PATJ: variants seen among roughly 807,000 people sequenced by gnomAD.
PATJ encodes PATJ crumbs cell polarity complex component.
PATJ carries 190 observed loss-of-function variants against 224.9 expected under a neutral mutation model. That is an observed-to-expected ratio of 0.84 (90% CI 0.75 to 0.95). PATJ has a LOEUF of 0.95. Ranked by LOEUF, PATJ falls within the 40% of genes least tolerant of loss-of-function variation. The probability of loss-of-function intolerance (pLI) is 0.00; values close to 1 mark genes in which losing one functional copy is unlikely to be tolerated. For synonymous variants in PATJ, 769 were observed against 820.3 expected (o/e 0.94, Z 1.07); for missense variants, 2,121 against 2,270.3 (o/e 0.93, Z 1.34).
chr1:62,046,223 G>A (rs1205883215), intron 30 of PATJ, among the ~76,000 whole-genome samples: 1 of 122,740 alleles, frequency 8.1e-6, no homozygotes, highest in Non-Finnish European at 1.7e-5. Context: ...AAGGAAGGAA[G>A]GAAAGGAAGG....
chr1:62,021,958 G>T (rs147705573), intron 29 of PATJ, among the ~76,000 whole-genome samples: 1 of 152,006 alleles, frequency 6.6e-6, no homozygotes, highest in Non-Finnish European at 1.5e-5. Context: ...ACTTCTATTT[G>T]GCAAAATTTC....
At chr1:61,886,025 TGTG>T (rs917860742) in intron 22 of PATJ, among the ~76,000 whole-genome samples, 1 of 142,830 alleles carries the variant, frequency 7.0e-6, no homozygotes, top group African/African-American at 2.6e-5. Context: ...TGGGGACTGT[TGTG>T]GGGTGGGGGG....
chr1:61,767,384 A>G (rs1646341544), intron 4 of PATJ, among the ~76,000 whole-genome samples: 1 of 151,770 alleles, frequency 6.6e-6, no homozygotes, highest in African/African-American at 2.4e-5. Flanking sequence ...AAATAAAAAT[A>G]AAAATATAGT....
Position 61,871,437 on chromosome 1 carries a change from G to GCGTATATATATGTATA in PATJ, c.2836-3806_2836-3805insCGTATATATATGTATA, listed in dbSNP as rs1557792600. Among the ~76,000 whole-genome samples the GCGTATATATATGTATA allele has an allele frequency of 1.6e-3, 174 of 107,378 alleles. 4 individuals carry two copies. The highest frequency in any genetic ancestry group is 6.0e-3 in the Middle Eastern group (1 of 166). 70.4% of individuals were successfully genotyped at this position (107,378 alleles called of 152,430 possible). A position where few individuals can be genotyped will look rare whatever the true frequency, so the allele number is the denominator to read the frequency against. On this transcript the variant is annotated intron_variant, in intron 20 of 43. Transcript: ENST00000642238. ...TACATATATATGTACATATATATGT[G>GCGTATATATATGTATA]TATATACACATATATATGCGTATAT... is the stretch of plus-strand genomic sequence containing the variant.
Position 61,784,692 on chromosome 1 carries a change from G to A in PATJ, c.850-3062G>A, listed in dbSNP as rs540225374. On this transcript the variant is annotated intron_variant, in intron 7 of 43. Transcript: ENST00000642238. ...AATTTTTTGATCAGTGCATAATTCT[G>A]TTGAAGAATAGTTTGATTTACAGAG... 4.6e-5 allele frequency among the ~76,000 whole-genome samples: 7 copies of A among 152,310 alleles called. No homozygotes were observed. In the East Asian group the frequency reaches 1.3e-3, roughly 29 times the overall value.
chr1:61,910,536 CTTTTTTTTTTTTTTTTTT>C (rs71050181), intron 25 of PATJ, among the ~76,000 whole-genome samples: 1 of 42,242 alleles, frequency 2.4e-5, no homozygotes, highest in Non-Finnish European at 4.3e-5. Context: ...CAAAGTGACT[CTTTTTTTTTTTTTTTTTT>C]TTTTTTTTTT....
intron 17 of PATJ, among the ~76,000 whole-genome samples, chr1:61,855,088 G>A (rs1663437926): frequency 6.6e-6 from 1 of 152,122 alleles, no homozygotes; most frequent in Non-Finnish European, 1.5e-5. Context: ...GGAGGATTCT[G>A]TACTACTGGT....
intron 19 of PATJ, among the ~76,000 whole-genome samples, chr1:61,862,281 T>C (rs1664737341): frequency 7.0e-6 from 1 of 143,584 alleles, no homozygotes; most frequent in South Asian, 2.2e-4. Flanking sequence ...ACTGCAACCT[T>C]TGCCTCCCAG....
chr1:61,875,755 G>A (rs1281923795), intron 21 of PATJ, among the ~76,000 whole-genome samples: 1 of 152,054 alleles, frequency 6.6e-6, no homozygotes, highest in Non-Finnish European at 1.5e-5. Context: ...ATAAAGAGAG[G>A]CATATTTTAA....
chr1:61,775,229 G>A lies in PATJ; in HGVS notation c.744G>A (p.Glu248=). The change falls in exon 7 of 44, where the codon GAG becomes GAA. Residue 248 remains glutamate, a synonymous_variant. Coordinates refer to ENST00000642238, the MANE Select transcript of PATJ (RefSeq NM_001350145.3). ...AGGTTTGTTGGGGCCATGTTGAAGA[G>A]GTTGAGCTCATTAATGATGGCTCTG... ...PETVCWGHVE[E]VELINDGSGL... The A allele has an allele frequency of 6.2e-7, 1 of 1,613,270 alleles. No individual in the cohort carries two copies. Among genetic ancestry groups the A allele is most frequent in the East Asian group, 2.2e-5 (1 of 44,806 alleles).
At chr1:61,766,251 GT>G (rs1646263862) in intron 3 of PATJ, 27 bp from the exon 4 acceptor site, 1 of 1,416,422 alleles carries the variant, frequency 7.1e-7, no homozygotes, top group Non-Finnish European at 9.4e-7. Context: ...ATAGATTTCT[GT>G]TGATTCTTTT....
chr1:61,776,020 G>A (rs192026246), intron 7 of PATJ, among the ~76,000 whole-genome samples: 105 of 152,182 alleles, frequency 6.9e-4, no homozygotes, highest in Admixed American at 1.8e-3. Context: ...ACTGATTATT[G>A]CCCAGTTACA....
chr1:62,156,199 G>A (rs1227253630), intron 43 of PATJ, among the ~76,000 whole-genome samples: 2 of 150,508 alleles, frequency 1.3e-5, no homozygotes, highest in African/African-American at 4.9e-5. Context: ...AACAAAATGA[G>A]ATCCCCATCT....
chr1:62,100,378 G>A lies in PATJ; in HGVS notation c.4378-8059G>A, dbSNP rs553992466. 54 of 718,384 alleles carry A rather than the reference G, an allele frequency of 7.5e-5. 2 individuals carry two copies. The South Asian group carries it at 7.8e-4, about 10-fold the overall frequency. The allele number at this position is 718,384 out of a possible 1,614,324, so 44.5% of individuals were successfully genotyped here. ...AGCATCTGGTGAGGGCCTTCATGCT[G>A]CATCATCCTGTGACAGAAGTTGAAG... is the stretch of plus-strand genomic sequence containing the variant. On this transcript the variant is annotated intron_variant, in intron 33 of 43. Transcript: ENST00000642238.
At chr1:61,895,579 G>A (rs1193020003) in intron 22 of PATJ, among the ~76,000 whole-genome samples, 1 of 152,158 alleles carries the variant, frequency 6.6e-6, no homozygotes, top group East Asian at 1.9e-4. Context: ...AGAGTGCACA[G>A]AAGACAAGAG....
At chr1:62,001,485 AG>A (rs1472057179) in intron 28 of PATJ, among the ~76,000 whole-genome samples, 1 of 150,098 alleles carries the variant, frequency 6.7e-6, no homozygotes, top group Non-Finnish European at 1.5e-5. Context: ...GGTTTGTCAA[AG>A]ATCAGATAGT....
At chr1:61,829,283 G>A (rs1161540357) in intron 16 of PATJ, among the ~76,000 whole-genome samples, 1 of 152,114 alleles carries the variant, frequency 6.6e-6, no homozygotes, top group Non-Finnish European at 1.5e-5. Flanking sequence ...ATTATTGGTT[G>A]ACTCTTTTTT....
At chr1:61,931,975 ATTC>A (rs1297307677) in intron 27 of PATJ, among the ~76,000 whole-genome samples, 1 of 147,006 alleles carries the variant, frequency 6.8e-6, no homozygotes, top group Non-Finnish European at 1.5e-5. Flanking sequence ...TGTGAATTTT[ATTC>A]TTTTTATTTT....
chr1:62,159,795 G>A (rs1558252663), intron 43 of PATJ, among the ~76,000 whole-genome samples: 2 of 148,242 alleles, frequency 1.3e-5, no homozygotes, highest in African/African-American at 5.0e-5. Flanking sequence ...CCTCTCGCCT[G>A]AGATTCCCAA....
Sources: allele counts gnomAD v4.1 joint callset (sites outside exome capture counted in the v4.1 genomes callset), GRCh38; gene constraint gnomAD v4.1.1; transcripts MANE v1.5; gene names NCBI Gene and HGNC (gene_info 2026-07-23, HGNC 2026-07-21).